CNTN5: variants seen among roughly 807,000 people sequenced by gnomAD.
CNTN5 encodes contactin-5.
In CNTN5, 77 loss-of-function variants were observed where a neutral mutation model predicts 129.1. The observed-to-expected ratio is 0.60, with a 90% CI of 0.50 to 0.72. CNTN5 has a LOEUF of 0.72. CNTN5 is among the 30% of genes least tolerant of loss of function. The probability of loss-of-function intolerance (pLI) is 0.00; values close to 1 mark genes in which losing one functional copy is unlikely to be tolerated. For missense variants in CNTN5, 1,478 were observed against 1,328.8 expected (o/e 1.11, Z -1.75); for synonymous variants, 509 against 465.6 (o/e 1.09, Z -1.20).
intron 3 of CNTN5, among the ~76,000 whole-genome samples, chr11:99,720,083 G>C (rs1943120353): frequency 6.6e-6 from 1 of 152,088 alleles, no homozygotes; most frequent in Admixed American, 6.6e-5. Context: ...TGAGTTCATA[G>C]CTGAATTCTA....
intron 19 of CNTN5, among the ~76,000 whole-genome samples, chr11:100,297,913 TAC>T (rs1951130500): frequency 1.3e-5 from 2 of 151,666 alleles, no homozygotes; most frequent in Middle Eastern, 3.4e-3. Context: ...TTCTTCATTT[TAC>T]AAATCATGAA....
intron 1 of CNTN5, among the ~76,000 whole-genome samples, chr11:99,255,912 C>A (rs1200473095): frequency 6.6e-6 from 1 of 151,774 alleles, no homozygotes; most frequent in Non-Finnish European, 1.5e-5. Context: ...TATAGTTCAG[C>A]AACAGTTCTT....
At chr11:99,528,493 T>C (rs1947573982) in intron 2 of CNTN5, among the ~76,000 whole-genome samples, 1 of 152,212 alleles carries the variant, frequency 6.6e-6, no homozygotes, top group Non-Finnish European at 1.5e-5. Context: ...CTGAGATTTT[T>C]GACAAGATCT....
intron 9 of CNTN5, among the ~76,000 whole-genome samples, chr11:100,053,920 C>G (rs1053566740): frequency 6.6e-6 from 1 of 151,670 alleles, no homozygotes; most frequent in African/African-American, 2.4e-5. Flanking sequence ...TTAAATGAAT[C>G]TTATAAATCT....
At position 100,308,364 on chromosome 11, in the gene CNTN5, A is replaced by G; in HGVS notation, c.2626A>G (p.Ser876Gly). The G allele has an allele frequency of 6.2e-7, 1 of 1,610,460 alleles. No individual in the cohort carries two copies. The highest frequency in any genetic ancestry group is 8.5e-7 in the Non-Finnish European group (1 of 1,177,646). Residue 876 changes from serine (S) to glycine (G), a missense_variant, in exon 21 of 25, where the codon AGT (serine) becomes GGT (glycine). Transcript: ENST00000524871. Reference sequence around the variant, plus strand: ...GTTTATTTTCCTTCATACAGAACCCAGTGCTGCTCCCACAGATGTCAAGGC... The same window carrying G: ...GTTTATTTTCCTTCATACAGAACCCGGTGCTGCTCCCACAGATGTCAAGGC... ...VVICSAEGEP[S>G]AAPTDVKATS...
intron 13 of CNTN5, among the ~76,000 whole-genome samples, chr11:100,188,616 G>A (rs1169508587): frequency 6.6e-6 from 1 of 152,142 alleles, no homozygotes; most frequent in Non-Finnish European, 1.5e-5. Context: ...GTGGAGAAGA[G>A]GGAATGTTTA....
intron 2 of CNTN5, among the ~76,000 whole-genome samples, chr11:99,500,196 A>G (rs1946377007): frequency 6.6e-6 from 1 of 152,206 alleles, no homozygotes; most frequent in South Asian, 2.1e-4. Context: ...TTTGCCACTG[A>G]AAGTATTACA....
intron 4 of CNTN5, among the ~76,000 whole-genome samples, chr11:99,836,714 C>T (rs1947319500): frequency 6.6e-6 from 1 of 152,126 alleles, no homozygotes; most frequent in Admixed American, 6.5e-5. Flanking sequence ...TGAGGAATCG[C>T]CACACTGTCT....
At chr11:99,726,078 G>A (rs574047883) in intron 3 of CNTN5, among the ~76,000 whole-genome samples, 32 of 152,334 alleles carry the variant, frequency 2.1e-4, no homozygotes, top group East Asian at 1.5e-3. Context: ...TTCTCTTTAA[G>A]TATAATTCCC....
At chr11:99,808,666 G>A (rs1946342646) in intron 3 of CNTN5, among the ~76,000 whole-genome samples, 1 of 152,078 alleles carries the variant, frequency 6.6e-6, no homozygotes, top group Non-Finnish European at 1.5e-5. Flanking sequence ...TTCACGTGCT[G>A]GGTAGCAAAA....
chr11:100,075,013 A>G (rs571499149), intron 13 of CNTN5, among the ~76,000 whole-genome samples: 2 of 152,234 alleles, frequency 1.3e-5, no homozygotes, highest in Middle Eastern at 3.4e-3. Flanking sequence ...AGTATCCTCT[A>G]TTATGTCAAA....
chr11:99,976,989 G>A (rs1190003683), intron 8 of CNTN5, among the ~76,000 whole-genome samples: 1 of 152,042 alleles, frequency 6.6e-6, no homozygotes, highest in East Asian at 1.9e-4. Flanking sequence ...CCATTTCTTT[G>A]TAAACTCATA....
chr11:99,313,624 T>C (rs1865210138), intron 1 of CNTN5, among the ~76,000 whole-genome samples: 1 of 152,066 alleles, frequency 6.6e-6, no homozygotes, highest in South Asian at 2.1e-4. Flanking sequence ...TATACTTCTT[T>C]ATCTCAAAGT....
intron 18 of CNTN5, among the ~76,000 whole-genome samples, chr11:100,293,302 C>T (rs958424146): frequency 6.6e-6 from 1 of 151,810 alleles, no homozygotes; most frequent in African/African-American, 2.4e-5. Context: ...AAAATTCTTA[C>T]ATTTCCTGAA....
At chr11:99,570,789 T>A (rs924668441) in intron 3 of CNTN5, among the ~76,000 whole-genome samples, 5 of 152,038 alleles carry the variant, frequency 3.3e-5, no homozygotes, top group African/African-American at 9.7e-5. Flanking sequence ...TAGTGAGTAA[T>A]ATTGGGGGAG....
intron 2 of CNTN5, among the ~76,000 whole-genome samples, chr11:99,546,419 C>T (rs948299611): frequency 1.3e-5 from 2 of 152,064 alleles, no homozygotes; most frequent in Non-Finnish European, 2.9e-5. Flanking sequence ...ACCCCAAGCT[C>T]ATCTGTCAGA....
intron 3 of CNTN5, among the ~76,000 whole-genome samples, chr11:99,621,702 T>C (rs1950956056): frequency 6.6e-6 from 1 of 151,748 alleles, no homozygotes; most frequent in African/African-American, 2.4e-5. Flanking sequence ...TATTTAAGAT[T>C]GCAACTGTAA....
At chr11:100,097,030 A>G (rs1945034171) in intron 13 of CNTN5, among the ~76,000 whole-genome samples, 1 of 152,096 alleles carries the variant, frequency 6.6e-6, no homozygotes, top group African/African-American at 2.4e-5. Flanking sequence ...ACGCTGTGTT[A>G]TTTAAGGAAA....
intron 1 of CNTN5, among the ~76,000 whole-genome samples, chr11:99,056,069 A>G (rs1038516715): frequency 2.0e-5 from 3 of 151,956 alleles, no homozygotes; most frequent in African/African-American, 7.2e-5. Flanking sequence ...TAACATGGAT[A>G]TGGGCGGCTG....
Sources: gnomAD v4.1 joint callset for allele counts (sites outside exome capture counted in the v4.1 genomes callset) on GRCh38, gnomAD v4.1.1 for gene constraint, MANE v1.5 for transcripts, NCBI Gene and HGNC (gene_info 2026-07-23, HGNC 2026-07-21) for gene names.